The following AATK variants were observed in gnomAD, a reference collection of about 807,000 sequenced individuals.
AATK encodes lemur tail kinase 1.
Under a neutral mutation model 114.3 loss-of-function variants are expected in AATK, and 91 were observed. The ratio of observed to expected loss-of-function variants is 0.80; its 90% CI spans 0.67 to 0.95. The LOEUF is 0.95. Among genes scored for constraint, AATK ranks in the 40% least tolerant of loss-of-function variants. AATK has a pLI of 0.00. For synonymous variants in AATK, 1,075 were observed against 916.5 expected (o/e 1.17, Z -3.12); for missense variants, 2,176 against 1,965.2 (o/e 1.11, Z -2.03).
At chr17:81,118,468 C>CACA (rs1568214545) in intron 13 of AATK, 26 bp from the exon 14 acceptor site, 1 of 1,602,736 alleles carries the variant, frequency 6.2e-7, no homozygotes, top group Middle Eastern at 1.7e-4. Flanking sequence ...ACAAAGTGAA[C>CACA]ACAGGGTTCT....
rs1016702474 is a variant in AATK, at chr17:81,126,877, G to C, written c.622-317C>G. 9.5e-6 allele frequency: 11 copies of C among 1,162,588 alleles called. No individual in the cohort carries two copies. The African/African-American group carries it at 1.6e-4, about 17-fold the overall frequency. 72.0% of individuals were successfully genotyped at this position (1,162,588 alleles called of 1,614,324 possible). On this transcript the variant is annotated intron_variant, in intron 6 of 13. Coordinates refer to ENST00000326724, the MANE Select transcript of AATK (RefSeq NM_001080395.3). This position sits in a 1 kb window ranked among gnomAD's most constrained non-coding sequence, Gnocchi z 5.1. Reference sequence around the variant, plus strand: ...ATCTGCTTGATGGAGTCTGGGGCTGGTGGTCGAGGGTTGGCCGGCAGCCCC... The same window carrying C: ...ATCTGCTTGATGGAGTCTGGGGCTGCTGGTCGAGGGTTGGCCGGCAGCCCC...
At chr17:81,124,372 G>A (rs946799960) in intron 9 of AATK, among the ~76,000 whole-genome samples, 28 of 152,170 alleles carry the variant, frequency 1.8e-4, no homozygotes, top group African/African-American at 2.9e-4. Flanking sequence ...TGCCTGGCAC[G>A]GCCCGACCTA....
chr17:81,149,196 G>T (rs4969405), intron 1 of AATK, among the ~76,000 whole-genome samples: 55,913 of 151,918 alleles, frequency 0.37, 11,457 homozygotes, highest in South Asian at 0.52. Context: ...TCCCGGGCTG[G>T]ACCCTCCTCC....
chr17:81,132,187 G>C (rs776787989), intron 2 of AATK, among the ~76,000 whole-genome samples: 3 of 152,222 alleles, frequency 2.0e-5, no homozygotes, highest in Non-Finnish European at 4.4e-5. Flanking sequence ...CTGAGCACTT[G>C]GTACAGCCTT....
chr17:81,132,596 AG>A, intron 2 of AATK: 1 of 221,920 alleles, frequency 4.5e-6, no homozygotes, highest in Non-Finnish European at 9.8e-6. Context: ...GGCTTTGTAG[AG>A]GGGCCCAGGA....
rs951578648 is a variant in AATK, at chr17:81,121,441, C to T, written c.2495G>A (p.Gly832Asp). 4 of 1,599,578 alleles carry T rather than the reference C, an allele frequency of 2.5e-6. No homozygotes were observed. The highest frequency in any genetic ancestry group is 1.1e-5 in the South Asian group (1 of 89,138). Residue 832 changes from glycine (G) to aspartate (D), a missense_variant, in exon 11 of 14, where the codon GGT becomes GAT. Around this residue, in one of 4 missense-constraint regions of AATK, gnomAD observed 1,701 missense variants for 1,394.7 expected, o/e 1.22. Coordinates refer to ENST00000326724, the MANE Select transcript of AATK (RefSeq NM_001080395.3). ...CAGCTTGATGGCAGACACCTCGCCA[C>T]CAGTAGCAGGCGTGGGAGAGTCAGG... ...ALPDSPTPAT[G>D]GEVSAIKLAS...
intron 2 of AATK, chr17:81,133,110 T>TG: frequency 2.5e-6 from 1 of 402,666 alleles, no homozygotes. Context: ...CAGAGCAGGG[T>TG]GGGGGCTCTG....
intron 2 of AATK, chr17:81,132,065 G>A: frequency 7.9e-7 from 1 of 1,269,270 alleles, no homozygotes; most frequent in African/African-American, 1.5e-5. Flanking sequence ...CTGTATAGGG[G>A]ATACCCCACC....
intron 1 of AATK, among the ~76,000 whole-genome samples, chr17:81,154,532 T>C (rs1375558510): frequency 9.2e-6 from 1 of 109,028 alleles, no homozygotes; most frequent in Non-Finnish European, 1.8e-5. Context: ...TTGGCCAGGG[T>C]GGTCTCAAAC....
chr17:81,135,141 C>T (rs1346866887), intron 1 of AATK, among the ~76,000 whole-genome samples: 3 of 152,186 alleles, frequency 2.0e-5, no homozygotes, highest in African/African-American at 2.4e-5. Flanking sequence ...GGGGAAACCC[C>T]GTTCTGCAGC....
At chr17:81,160,309 G>GGCC in intron 1 of AATK, 1 of 919,654 alleles carries the variant, frequency 1.1e-6, no homozygotes. Flanking sequence ...GAGGACCCCA[G>GGCC]CCCGCCCCAG....
intron 2 of AATK, among the ~76,000 whole-genome samples, chr17:81,133,711 G>A (rs1000237787): frequency 2.0e-5 from 3 of 152,180 alleles, no homozygotes; most frequent in African/African-American, 7.2e-5. Context: ...GTGGGCTGGG[G>A]GTTTGCAGGG....
Position 81,120,565 on chromosome 17 carries a change from A to G in AATK, c.3371T>C (p.Leu1124Ser), listed in dbSNP as rs1241195723. 7 of 1,518,016 alleles carry G rather than the reference A, an allele frequency of 4.6e-6. No homozygotes were observed. Among genetic ancestry groups the G allele is most frequent in the Non-Finnish European group, 6.2e-6 (7 of 1,133,982 alleles). 94.0% of individuals were successfully genotyped at this position (1,518,016 alleles called of 1,614,324 possible). ...CCGCTTTTGTGGGGCCGGCCCTGAC[A>G]ACAGTCCTGGGGGCCCCTGGAACTC... ...SSEFQGPPGLLSGPAPQKRMG... is the reference protein window; with the variant it reads ...SSEFQGPPGLSSGPAPQKRMG... The change falls in exon 11 of 14, where the codon TTG becomes TCG. Residue 1124 changes from leucine (L) to serine (S), a missense_variant. By Grantham distance (145) the Leu-to-Ser change is moderately radical. This residue lies in a region of AATK where 1,701 missense variants were observed against 1,394.7 expected (regional missense o/e 1.22). Coordinates refer to ENST00000326724, the MANE Select transcript of AATK (RefSeq NM_001080395.3).
chr17:81,119,639 G>C (rs997794113), intron 12 of AATK, 59 bp from the exon 13 acceptor site: 5 of 1,305,082 alleles, frequency 3.8e-6, no homozygotes, highest in Middle Eastern at 2.8e-4. Flanking sequence ...GCCCGGCCCC[G>C]CTCCCACAGT....
intron 2 of AATK, 21 bp downstream of exon 2, chr17:81,134,347 C>A: frequency 6.2e-7 from 1 of 1,612,190 alleles, no homozygotes; most frequent in Non-Finnish European, 8.5e-7. Flanking sequence ...CACGACAGCT[C>A]CCGCGGCCCC....
rs55655742 is a variant in AATK at position 81,140,935 on chromosome 17, A to G, written c.56-6434T>C. 1.2e-3 allele frequency among the ~76,000 whole-genome samples: 61 copies of G among 50,940 alleles called. 1 individual carries two copies. Among genetic ancestry groups the G allele is most frequent in the Admixed American group, 1.8e-3 (9 of 5,072 alleles). The allele number at this position is 50,940 out of a possible 152,430, so 33.4% of individuals were successfully genotyped here. ...CGTGGGGCCGTGGGACCGTGGGACC[A>G]TGGGGCCGTGAGCCGTGGGGACCGT... On this transcript the variant is annotated intron_variant, in intron 1 of 13. Transcript: ENST00000326724.
At chr17:81,134,582 C>T (rs2060982874) in intron 1 of AATK, 81 bp from the exon 2 acceptor site, 2 of 1,514,758 alleles carry the variant, frequency 1.3e-6, no homozygotes, top group Admixed American at 2.0e-5. Context: ...TCCACAGCCC[C>T]ACCTGGACTT....
chr17:81,150,888 C>T (rs922327671), intron 1 of AATK, among the ~76,000 whole-genome samples: 3 of 152,208 alleles, frequency 2.0e-5, no homozygotes, highest in East Asian at 1.9e-4. Flanking sequence ...CCCTGGCAGG[C>T]GTGCCGCTGA....
At chr17:81,154,274 C>A (rs988808433) in intron 1 of AATK, among the ~76,000 whole-genome samples, 1 of 151,650 alleles carries the variant, frequency 6.6e-6, no homozygotes, top group African/African-American at 2.4e-5. Flanking sequence ...CTGCCATATA[C>A]CCTTTTTCAT....
Sources: allele counts gnomAD v4.1 joint callset (sites outside exome capture counted in the v4.1 genomes callset), GRCh38; gene constraint gnomAD v4.1.1; regional missense constraint gnomAD v4.1.1; non-coding constraint Gnocchi (gnomAD v3.1); transcripts MANE v1.5; gene names NCBI Gene and HGNC (gene_info 2026-07-23, HGNC 2026-07-21).